MYO18B: variants seen among roughly 807,000 people sequenced by gnomAD.
MYO18B encodes unconventional myosin-XVIIIb.
A neutral mutation model predicts 273.0 loss-of-function variants in MYO18B; 204 were observed. The observed-to-expected ratio is 0.75, with a 90% CI of 0.67 to 0.84. The LOEUF (loss-of-function observed/expected upper bound fraction) is 0.84. Among genes scored for constraint, MYO18B ranks in the 40% least tolerant of loss-of-function variants. MYO18B has a pLI of 0.00. For missense variants in MYO18B, 3,212 were observed against 3,287.6 expected, an observed-to-expected ratio of 0.98 and a Z score of 0.56; for synonymous variants, 1,330 against 1,305.7, an observed-to-expected ratio of 1.02 and a Z score of -0.40.
chr22:25,784,419 A>G (rs767542598), intron 10 of MYO18B, among the ~76,000 whole-genome samples: 2 of 152,232 alleles, frequency 1.3e-5, no homozygotes, highest in Non-Finnish European at 2.9e-5. Context: ...GGCCCATTTT[A>G]CAGATAAGAA....
At chr22:25,816,918 C>T (rs180892538) in intron 12 of MYO18B, among the ~76,000 whole-genome samples, 62 of 152,304 alleles carry the variant, frequency 4.1e-4, no homozygotes, top group African/African-American at 1.4e-3. Flanking sequence ...GAACCAGATG[C>T]AGCAAGATTA....
chr22:25,804,138 C>CT (rs2088354571), intron 12 of MYO18B, among the ~76,000 whole-genome samples: 1 of 152,206 alleles, frequency 6.6e-6, no homozygotes, highest in South Asian at 2.1e-4. Flanking sequence ...GGTAAATCCA[C>CT]TTTCTCTGCA....
chr22:25,749,224 C>T (rs373178237), intron 1 of MYO18B, among the ~76,000 whole-genome samples: 2 of 152,148 alleles, frequency 1.3e-5, no homozygotes, highest in Non-Finnish European at 2.9e-5. Context: ...TCCTGGAGAG[C>T]CTTTTTAATG....
At chr22:26,018,216 C>T (rs975332565) in intron 42 of MYO18B, among the ~76,000 whole-genome samples, 4 of 152,096 alleles carry the variant, frequency 2.6e-5, no homozygotes, top group Non-Finnish European at 5.9e-5. Context: ...TCAGAGAGAA[C>T]AGCAAGCAAG....
chr22:26,043,062 T>C, the MYO18B span, among the ~76,000 whole-genome samples: 1 of 152,228 alleles, frequency 6.6e-6, no homozygotes, highest in Non-Finnish European at 1.5e-5. Context: ...CAGTCAAGTG[T>C]TCCCTCCTCC....
chr22:25,835,579 G>A (rs1020961043), intron 17 of MYO18B, 136 bp downstream of exon 17: 5 of 1,062,036 alleles, frequency 4.7e-6, no homozygotes, highest in South Asian at 4.6e-5. Context: ...GCATGAGCCT[G>A]TGTATGCTTT....
At chr22:25,926,604 G>T (rs2092424844) in intron 34 of MYO18B, among the ~76,000 whole-genome samples, 1 of 152,092 alleles carries the variant, frequency 6.6e-6, no homozygotes, top group Admixed American at 6.5e-5. Context: ...CGAAAGTTTT[G>T]TTGTATAAAG....
chr22:26,043,411 G>A, the MYO18B span, among the ~76,000 whole-genome samples: 1 of 151,900 alleles, frequency 6.6e-6, no homozygotes, highest in South Asian at 2.1e-4. Context: ...TTACTGTTGG[G>A]TAAATACCTA....
In MYO18B at chr22:25,895,293, G is replaced by C. The variant is rs763151706; in HGVS notation, c.4668+13G>C. The C allele has an allele frequency of 4.4e-6, 7 of 1,586,302 alleles. No individual in the cohort carries two copies. The African/African-American group carries it at 9.4e-5, about 21-fold the overall frequency. ...GCTGGAGCAAAAGGTAAGATGTGGG[G>C]ATAGTCTGGGCCACAGAAGTGTTAG... On this transcript the variant is annotated intron_variant, in intron 28 of 43. Transcript: ENST00000335473.
Position 26,026,435 on chromosome 22 carries a change from C to A in MYO18B, c.6471-10C>A. On this transcript the variant is annotated splice_polypyrimidine_tract_variant and intron_variant, in intron 42 of 43. Coordinates refer to ENST00000335473, the MANE Select transcript of MYO18B (RefSeq NM_032608.7). ...AATTTCTACAGACTGCATTTTTCTT[C>A]TTGGCACAGGATAAACGAAGAGGCT... The A allele has an allele frequency of 1.3e-6, 2 of 1,588,498 alleles. No homozygotes were observed. The highest frequency in any genetic ancestry group is 8.6e-7 in the Non-Finnish European group (1 of 1,166,826).
At chr22:25,776,804 GA>G (rs1350761004) in intron 7 of MYO18B, among the ~76,000 whole-genome samples, 1 of 152,278 alleles carries the variant, frequency 6.6e-6, no homozygotes, top group African/African-American at 2.4e-5. Flanking sequence ...GGGTTGTGGA[GA>G]GGGGTAATGA....
At chr22:25,870,753 C>T (rs1202602483) in intron 22 of MYO18B, among the ~76,000 whole-genome samples, 1 of 152,128 alleles carries the variant, frequency 6.6e-6, no homozygotes, top group Non-Finnish European at 1.5e-5. Flanking sequence ...AAATCAGAAA[C>T]TCTGGAGGGG....
At chr22:25,992,695 C>A (rs977124601) in intron 40 of MYO18B, among the ~76,000 whole-genome samples, 1 of 152,214 alleles carries the variant, frequency 6.6e-6, no homozygotes, top group African/African-American at 2.4e-5. Flanking sequence ...GTTGCTAAAA[C>A]CTCTCAGTCC....
At chr22:26,049,829 C>G in the MYO18B span, among the ~76,000 whole-genome samples, 2 of 152,194 alleles carry the variant, frequency 1.3e-5, no homozygotes, top group Admixed American at 6.5e-5. Flanking sequence ...AATCATAGTA[C>G]CTGCCCTGAG....
intron 39 of MYO18B, among the ~76,000 whole-genome samples, chr22:25,956,325 C>T (rs531781466): frequency 4.0e-5 from 6 of 151,658 alleles, no homozygotes; most frequent in East Asian, 2.0e-4. Context: ...AAGCGATTCT[C>T]GTGGCTCAGC....
chr22:25,830,358 C>G (rs1470091159), intron 15 of MYO18B, among the ~76,000 whole-genome samples: 2 of 152,134 alleles, frequency 1.3e-5, no homozygotes, highest in African/African-American at 4.8e-5. Flanking sequence ...AAACTACCCC[C>G]AAGTGTAGTG....
chr22:25,836,287 G>T (rs1318209222), intron 17 of MYO18B, among the ~76,000 whole-genome samples: 1 of 152,198 alleles, frequency 6.6e-6, no homozygotes, highest in Admixed American at 6.5e-5. Context: ...AATTGGGAAA[G>T]AAGTCACCCC....
chr22:25,930,297 A>G (rs1484834147), intron 34 of MYO18B, among the ~76,000 whole-genome samples: 1 of 151,626 alleles, frequency 6.6e-6, no homozygotes, highest in Non-Finnish European at 1.5e-5. Flanking sequence ...CTTTGTTTCC[A>G]TCGTTTTTTT....
At position 25,943,273 on chromosome 22, in the gene MYO18B, C is replaced by T. The variant is rs548828746; in HGVS notation, c.5518-2864C>T. 3.9e-5 allele frequency among the ~76,000 whole-genome samples: 6 copies of T among 152,228 alleles called. No individual in the cohort carries two copies. The South Asian group carries it at 8.3e-4, about 21-fold the overall frequency. ...TTGTTGTTTGCATGCCCTGCTGTGC[C>T]GATTCTTCCATTTCTTTCCACTTCC... On this transcript the variant is annotated intron_variant, in intron 34 of 43. Coordinates refer to ENST00000335473, the MANE Select transcript of MYO18B (RefSeq NM_032608.7).
Sources: allele counts gnomAD v4.1 joint callset (sites outside exome capture counted in the v4.1 genomes callset), GRCh38; gene constraint gnomAD v4.1.1; transcripts MANE v1.5; gene names NCBI Gene and HGNC (gene_info 2026-07-23, HGNC 2026-07-21).